Variants in OSBPL10 observed in about 807,000 individuals in gnomAD.
The protein encoded by OSBPL10 is oxysterol binding protein like 10.
OSBPL10 carries 49 observed loss-of-function variants against 81.7 expected under a neutral mutation model. The observed-to-expected ratio is 0.60, with a 90% CI of 0.48 to 0.76. The LOEUF is 0.76. Ranked by LOEUF, OSBPL10 falls within the 30% of genes least tolerant of loss-of-function variation. The pLI is 0.00. For synonymous variants in OSBPL10, 419 were observed against 383.6 expected, an observed-to-expected ratio of 1.09 and a Z score of -1.08; for missense variants, 923 against 987.8, an observed-to-expected ratio of 0.93 and a Z score of 0.88.
chr3:31,930,334 C>T (rs1335387261), intron 1 of OSBPL10, among the ~76,000 whole-genome samples: 1 of 152,154 alleles, frequency 6.6e-6, no homozygotes, highest in Non-Finnish European at 1.5e-5. Flanking sequence ...CAGTTCAAAA[C>T]CACATCCTAT....
chr3:32,077,645 G>A (rs1699887444), upstream of OSBPL10: 1 of 152,196 alleles, frequency 6.6e-6, no homozygotes, highest in Non-Finnish European at 1.5e-5. Context: ...CACCTCCCAA[G>A]GGTAAGGAGG....
At position 31,833,349 on chromosome 3, in the gene OSBPL10, C is replaced by A. The variant is rs565711456; in HGVS notation, c.538-3118G>T. ...CTGGGGTGAGTTATTTAAGTTTTCT[C>A]ATTAAACATCAATTTCCTAATCTTT... On this transcript the variant is annotated intron_variant, in intron 3 of 11. Transcript: ENST00000396556. Among the ~76,000 whole-genome samples, 208 of 152,242 alleles carry A rather than the reference C, an allele frequency of 1.4e-3. 1 individual carries two copies. The highest frequency in any genetic ancestry group is 4.8e-3 in the African/African-American group (201 of 41,532).
intron 2 of OSBPL10, among the ~76,000 whole-genome samples, chr3:32,017,698 T>C (rs1699327971): frequency 6.6e-6 from 1 of 152,196 alleles, no homozygotes; most frequent in Non-Finnish European, 1.5e-5. Flanking sequence ...CAATGAACTA[T>C]GTGACATCAG....
At chr3:31,695,644 T>G (rs557742144) in intron 7 of OSBPL10, among the ~76,000 whole-genome samples, 1 of 152,328 alleles carries the variant, frequency 6.6e-6, no homozygotes, top group Admixed American at 6.5e-5. Flanking sequence ...CAGCTCAACT[T>G]TCTTGGAGAA....
At chr3:31,866,969 G>A (rs955348620) in intron 3 of OSBPL10, among the ~76,000 whole-genome samples, 1 of 152,128 alleles carries the variant, frequency 6.6e-6, no homozygotes, top group African/African-American at 2.4e-5. Context: ...TTAAAGTCCT[G>A]TATTAGCCAA....
intron 1 of OSBPL10, among the ~76,000 whole-genome samples, chr3:31,940,029 AT>A (rs1185413844): frequency 1.3e-5 from 2 of 152,190 alleles, no homozygotes; most frequent in Non-Finnish European, 2.9e-5. Flanking sequence ...CCCACTCCAT[AT>A]ATTCTTTAAT....
At chr3:32,038,166 A>C (rs1048382977) in intron 2 of OSBPL10, among the ~76,000 whole-genome samples, 2 of 152,074 alleles carry the variant, frequency 1.3e-5, no homozygotes, top group African/African-American at 4.8e-5. Context: ...GGATAAGCAC[A>C]ATCTAAAAAG....
intron 10 of OSBPL10, among the ~76,000 whole-genome samples, chr3:31,665,514 G>C (rs1700168190): frequency 6.6e-6 from 1 of 152,116 alleles, no homozygotes; most frequent in Admixed American, 6.5e-5. Context: ...AGACAGATGG[G>C]GCTGCCAGTG....
At chr3:31,889,183 C>G (rs1249064711) in intron 1 of OSBPL10, among the ~76,000 whole-genome samples, 1 of 152,110 alleles carries the variant, frequency 6.6e-6, no homozygotes, top group African/African-American at 2.4e-5. Context: ...GAAAAGGGAA[C>G]TCTTATACAC....
At chr3:32,074,625 T>C (rs1288278714) in intron 1 of OSBPL10, among the ~76,000 whole-genome samples, 4 of 152,142 alleles carry the variant, frequency 2.6e-5, no homozygotes, top group South Asian at 4.1e-4. Context: ...TAGCCCCTCC[T>C]CTTGCTTGCT....
chr3:31,899,978 G>A (rs1465523423), intron 1 of OSBPL10, among the ~76,000 whole-genome samples: 2 of 148,856 alleles, frequency 1.3e-5, no homozygotes, highest in African/African-American at 2.5e-5. Flanking sequence ...AGATTAAGCT[G>A]TTTTTAAAAC....
intron 1 of OSBPL10, among the ~76,000 whole-genome samples, chr3:31,883,813 C>T (rs1029149753): frequency 2.6e-5 from 4 of 152,164 alleles, no homozygotes; most frequent in Admixed American, 1.3e-4. Flanking sequence ...CATGAGCCAC[C>T]GTGCCTGGCC....
At chr3:31,833,705 GCA>G (rs10591808) in intron 3 of OSBPL10, among the ~76,000 whole-genome samples, 10,880 of 137,888 alleles carry the variant, frequency 0.079, 739 homozygotes, top group African/African-American at 0.19. Flanking sequence ...ACACGCACAC[GCA>G]CACACACACA....
At chr3:31,774,965 G>A (rs536945005) in intron 4 of OSBPL10, among the ~76,000 whole-genome samples, 2 of 151,014 alleles carry the variant, frequency 1.3e-5, no homozygotes, top group African/African-American at 4.9e-5. Context: ...TCAGGAGTTC[G>A]AGACCAGCCT....
chr3:31,702,717 C>G (rs1695937671), intron 6 of OSBPL10, among the ~76,000 whole-genome samples: 1 of 152,198 alleles, frequency 6.6e-6, no homozygotes. Context: ...CCTTTCATCT[C>G]TCCCGTCATC....
intron 3 of OSBPL10, among the ~76,000 whole-genome samples, chr3:31,865,966 G>T (rs62243013): frequency 0.27 from 41,080 of 151,988 alleles, 5,709 homozygotes; most frequent in Non-Finnish European, 0.29. Flanking sequence ...TGAAATCCCT[G>T]GTAACCACAT....
chr3:31,950,854 G>A (rs1351640869), intron 1 of OSBPL10, among the ~76,000 whole-genome samples: 1 of 152,124 alleles, frequency 6.6e-6, no homozygotes, highest in Non-Finnish European at 1.5e-5. Flanking sequence ...TGACATGCCT[G>A]CTCCCTCCAC....
chr3:31,724,386 G>A (rs1436451509), intron 6 of OSBPL10, among the ~76,000 whole-genome samples: 8 of 152,060 alleles, frequency 5.3e-5, no homozygotes, highest in Non-Finnish European at 1.0e-4. Context: ...CTGGTGGGAG[G>A]GGAGAGAAGG....
In OSBPL10 at chr3:31,724,011, A is replaced by T. The variant is rs565479155; in HGVS notation, c.1095+9246T>A. 3.9e-5 allele frequency among the ~76,000 whole-genome samples: 6 copies of T among 152,352 alleles called. No homozygotes were observed. In the East Asian group the frequency reaches 1.2e-3, roughly 29 times the overall value. On this transcript the variant is annotated intron_variant, in intron 6 of 11. Coordinates refer to ENST00000396556, the MANE Select transcript of OSBPL10 (RefSeq NM_017784.5). ...AGCTGTGAAATTTAGGGCCATGTTT[A>T]GAGGGTGAGACTAAATACCCCAAAC...
Sources: gnomAD v4.1 joint callset for allele counts (sites outside exome capture counted in the v4.1 genomes callset) on GRCh38, gnomAD v4.1.1 for gene constraint, MANE v1.5 for transcripts, NCBI Gene and HGNC (gene_info 2026-07-23, HGNC 2026-07-21) for gene names.